UBE2E2: variants seen among roughly 807,000 people sequenced by gnomAD.
The protein encoded by UBE2E2 is ubiquitin-conjugating enzyme E2 E2.
Under a neutral mutation model 24.7 loss-of-function variants are expected in UBE2E2, and 6 were observed. That is an observed-to-expected ratio of 0.24 (90% CI 0.13 to 0.48). UBE2E2 has a LOEUF of 0.48. Among genes scored for constraint, UBE2E2 ranks in the 20% least tolerant of loss-of-function variants. The pLI is 0.99. For missense variants in UBE2E2, 169 were observed against 245.0 expected (o/e 0.69, Z 2.07); for synonymous variants, 104 against 83.6 (o/e 1.24, Z -1.33).
rs913156251 is a variant in UBE2E2 at position 23,407,667 on chromosome 3, G to A, written c.228-91941G>A. Among the ~76,000 whole-genome samples, 3 of 151,218 alleles carry A rather than the reference G, an allele frequency of 2.0e-5. No homozygotes were observed. Among genetic ancestry groups the A allele is most frequent in the African/African-American group, 7.3e-5 (3 of 41,086 alleles). ...CGTGCATGTGTGTGTGTGTGTGTGT[G>A]TGTGTGTGTGTGTGTGTGTGTGTAG... On this transcript the variant is annotated intron_variant, in intron 3 of 5. Coordinates refer to ENST00000396703, the MANE Select transcript of UBE2E2 (RefSeq NM_152653.4). The surrounding 1 kb of genome is among the most constrained non-coding windows in gnomAD (Gnocchi z 4.0).
chr3:23,384,868 C>T (rs1296920572), intron 3 of UBE2E2, among the ~76,000 whole-genome samples: 1 of 152,178 alleles, frequency 6.6e-6, no homozygotes, highest in African/African-American at 2.4e-5. Context: ...AAACCAGACT[C>T]ATTTCAAATT....
Position 23,203,379 on chromosome 3 carries a change from C to G in UBE2E2, c.-94C>G, listed in dbSNP as rs1696017578. 3 of 985,646 alleles carry G rather than the reference C, an allele frequency of 3.0e-6. No individual in the cohort carries two copies. The highest frequency in any genetic ancestry group is 3.6e-6 in the Non-Finnish European group (3 of 830,316). 61.1% of individuals were successfully genotyped at this position (985,646 alleles called of 1,614,324 possible). On this transcript the variant is annotated 5_prime_UTR_variant, in exon 1 of 6. Coordinates refer to ENST00000396703, the MANE Select transcript of UBE2E2 (RefSeq NM_152653.4). ...GGGACATCCCGTCCCTGGGGCCTCCCCAGTCTCCCTCCCCCTCGCGCCTGG... is the reference window on the plus strand; with the variant it reads ...GGGACATCCCGTCCCTGGGGCCTCCGCAGTCTCCCTCCCCCTCGCGCCTGG...
intron 3 of UBE2E2, among the ~76,000 whole-genome samples, chr3:23,428,407 G>A (rs1697979758): frequency 6.6e-6 from 1 of 152,134 alleles, no homozygotes; most frequent in South Asian, 2.1e-4. Context: ...TGTTTAGAAG[G>A]AAATTTAAAG....
At chr3:23,203,893 A>G (rs916031382) in intron 1 of UBE2E2, among the ~76,000 whole-genome samples, 2 of 151,934 alleles carry the variant, frequency 1.3e-5, no homozygotes, top group African/African-American at 4.8e-5. Flanking sequence ...ATTGCTGCAC[A>G]TGGTGTGTCT....
chr3:23,591,131 A>C lies in UBE2E2; in HGVS notation c.*1300A>C, dbSNP rs1002450641. The stretch of plus-strand genomic sequence containing the variant: ...TTTAGTGTGCAGCTATAGGAGGCAG[A>C]GGAAACGTGGGTGGTGTAGTTTCTA... On this transcript the variant is annotated 3_prime_UTR_variant, in exon 6 of 6. Coordinates refer to ENST00000396703, the MANE Select transcript of UBE2E2 (RefSeq NM_152653.4). 2.2e-4 allele frequency: 33 copies of C among 152,382 alleles called. No individual in the cohort carries two copies. Among genetic ancestry groups the C allele is most frequent in the African/African-American group, 7.9e-4 (33 of 41,580 alleles). 9.4% of individuals were successfully genotyped at this position (152,382 alleles called of 1,614,324 possible). A position where few individuals can be genotyped will look rare whatever the true frequency, so the allele number is the denominator to read the frequency against.
chr3:23,431,736 C>T (rs978202338), intron 3 of UBE2E2, among the ~76,000 whole-genome samples: 11 of 151,994 alleles, frequency 7.2e-5, no homozygotes, highest in Non-Finnish European at 1.5e-4. Flanking sequence ...CTCTGAAAAC[C>T]ACTATATATT....
intron 3 of UBE2E2, among the ~76,000 whole-genome samples, chr3:23,483,933 G>A (rs1345493170): frequency 6.6e-6 from 1 of 152,184 alleles, no homozygotes; most frequent in Non-Finnish European, 1.5e-5. Flanking sequence ...ACACAGCGGA[G>A]TTTGTCTTGT....
At chr3:23,447,662 T>G (rs1698465949) in intron 3 of UBE2E2, among the ~76,000 whole-genome samples, 1 of 152,202 alleles carries the variant, frequency 6.6e-6, no homozygotes, top group Non-Finnish European at 1.5e-5. Flanking sequence ...CTTTTTTTGT[T>G]CATGTAATCC....
intron 1 of UBE2E2, among the ~76,000 whole-genome samples, chr3:23,206,137 C>A (rs2125314134): frequency 6.6e-6 from 1 of 152,278 alleles, no homozygotes; most frequent in South Asian, 2.1e-4. Flanking sequence ...TCACTCATTT[C>A]ACATTTCTTA....
chr3:23,231,377 T>C (rs1162499791), intron 3 of UBE2E2, among the ~76,000 whole-genome samples: 1 of 152,176 alleles, frequency 6.6e-6, no homozygotes, highest in Non-Finnish European at 1.5e-5. Flanking sequence ...GAGGAGGCTA[T>C]AGGAAGAACA....
intron 3 of UBE2E2, among the ~76,000 whole-genome samples, chr3:23,290,410 G>A (rs1212994501): frequency 6.6e-6 from 1 of 152,216 alleles, no homozygotes; most frequent in Non-Finnish European, 1.5e-5. Context: ...TTGTTTTAGA[G>A]ATCTGGGATG....
intron 3 of UBE2E2, among the ~76,000 whole-genome samples, chr3:23,421,924 T>A (rs1399743842): frequency 6.6e-6 from 1 of 152,204 alleles, no homozygotes; most frequent in African/African-American, 2.4e-5. Flanking sequence ...CATGTTTAGC[T>A]TTCCCAAATA....
chr3:23,524,612 A>G (rs771777423), intron 4 of UBE2E2, among the ~76,000 whole-genome samples: 2 of 152,224 alleles, frequency 1.3e-5, no homozygotes, highest in African/African-American at 4.8e-5. Context: ...TGGAACTAGA[A>G]TAAGCCTTAG....
At chr3:23,327,386 T>C (rs1694931013) in intron 3 of UBE2E2, among the ~76,000 whole-genome samples, 1 of 152,192 alleles carries the variant, frequency 6.6e-6, no homozygotes, top group Non-Finnish European at 1.5e-5. Flanking sequence ...TGAGATGATA[T>C]CTCATTGTGG....
Position 23,590,721 on chromosome 3 carries a change from G to A in UBE2E2, c.*890G>A, listed in dbSNP as rs1696741415. ...TATTTCTTTGGAGTTGAGTTGCTTA[G>A]CATGTGGAATTTCTCCAGCTGTCAG... On this transcript the variant is annotated 3_prime_UTR_variant, in exon 6 of 6. Transcript: ENST00000396703. 6.6e-6 allele frequency: 1 copy of A among 152,194 alleles called. No homozygotes were observed. The allele number at this position is 152,194 out of a possible 1,614,324, so 9.4% of individuals were successfully genotyped here.
chr3:23,524,543 C>A (rs1207342120), intron 4 of UBE2E2, among the ~76,000 whole-genome samples: 2 of 152,116 alleles, frequency 1.3e-5, no homozygotes, highest in Non-Finnish European at 2.9e-5. Flanking sequence ...AGAATTCCAG[C>A]CCAAGTCCAG....
At chr3:23,531,073 A>G (rs1198959436) in intron 4 of UBE2E2, among the ~76,000 whole-genome samples, 1 of 152,188 alleles carries the variant, frequency 6.6e-6, no homozygotes, top group African/African-American at 2.4e-5. Context: ...ATGATGCTAG[A>G]AGGGCAGTTC....
At chr3:23,479,641 C>T (rs569718922) in intron 3 of UBE2E2, among the ~76,000 whole-genome samples, 37 of 152,224 alleles carry the variant, frequency 2.4e-4, no homozygotes, top group Admixed American at 4.6e-4. Flanking sequence ...GAATGAGATT[C>T]GGACAACTGG....
intron 1 of UBE2E2, among the ~76,000 whole-genome samples, chr3:23,208,463 G>T (rs1214423155): frequency 6.6e-6 from 1 of 152,078 alleles, no homozygotes; most frequent in African/African-American, 2.4e-5. Flanking sequence ...GAATAATGTT[G>T]CTATGAACAT....
Sources: allele counts gnomAD v4.1 joint callset (sites outside exome capture counted in the v4.1 genomes callset), GRCh38; gene constraint gnomAD v4.1.1; non-coding constraint Gnocchi (gnomAD v3.1); transcripts MANE v1.5; gene names NCBI Gene and HGNC (gene_info 2026-07-23, HGNC 2026-07-21).